The following EXD2 variants were observed in gnomAD, a reference collection of about 807,000 sequenced individuals.
EXD2 encodes exonuclease 3'-5' domain containing 2.
In EXD2, 40 loss-of-function variants were observed where a neutral mutation model predicts 62.5. The observed-to-expected ratio is 0.64, with a 90% CI of 0.50 to 0.83. The LOEUF is 0.83. Ranked by LOEUF, EXD2 falls within the 40% of genes least tolerant of loss-of-function variation. EXD2 has a pLI of 0.00. For synonymous variants in EXD2, 239 were observed against 291.9 expected, an observed-to-expected ratio of 0.82 and a Z score of 1.85; for missense variants, 671 against 761.8, an observed-to-expected ratio of 0.88 and a Z score of 1.40.
Position 69,236,495 on chromosome 14 carries a change from TA to T in EXD2, c.1248del (p.Glu417ArgfsTer5). 1.2e-6 allele frequency: 2 copies of T among 1,614,138 alleles called. No individual in the cohort carries two copies. The highest frequency in any genetic ancestry group is 1.7e-6 in the Non-Finnish European group (2 of 1,180,000). On this transcript the variant is annotated frameshift_variant, in exon 8 of 10. Transcript: ENST00000685843. LOFTEE classifies it high-confidence loss of function. Reference sequence around the variant, plus strand: ...CTCCTGGAGACTATTACTTGATGGTTAAAGAGAACCTGTGTGTAGTGTGTGG... The same window carrying T: ...CTCCTGGAGACTATTACTTGATGGTTAAGAGAACCTGTGTGTAGTGTGTGG... ...ESPGDYYLMV[K>X]ENLCVVCGKR...
intron 3 of EXD2, 188 bp downstream of exon 3, chr14:69,209,991 A>G (rs2042753833): frequency 4.2e-6 from 2 of 479,174 alleles, no homozygotes; most frequent in African/African-American, 2.0e-5. Flanking sequence ...GAGTGCTTAC[A>G]ATTATGGATT....
chr14:69,208,462 G>A (rs1327506319), intron 2 of EXD2, among the ~76,000 whole-genome samples: 7 of 151,950 alleles, frequency 4.6e-5, no homozygotes, highest in South Asian at 2.1e-4. Context: ...CACCTGCCTC[G>A]GCCTCCCAAA....
chr14:69,206,267 G>C (rs1226324951), intron 2 of EXD2, among the ~76,000 whole-genome samples: 1 of 151,806 alleles, frequency 6.6e-6, no homozygotes, highest in African/African-American at 2.4e-5. Context: ...CTTTGGCCTG[G>C]GGCAGGTGGC....
At chr14:69,236,914 T>C (rs2043814823) in intron 8 of EXD2, among the ~76,000 whole-genome samples, 1 of 152,222 alleles carries the variant, frequency 6.6e-6, no homozygotes, top group South Asian at 2.1e-4. Context: ...AGTATCCAGA[T>C]GTCCTGAAGC....
chr14:69,232,009 G>A (rs2043601612), intron 5 of EXD2, among the ~76,000 whole-genome samples: 1 of 149,132 alleles, frequency 6.7e-6, no homozygotes, highest in African/African-American at 2.5e-5. Flanking sequence ...TATTCAAGAA[G>A]TGTAAGTCCC....
At chr14:69,234,060 C>T (rs2043685137) in intron 5 of EXD2, among the ~76,000 whole-genome samples, 1 of 152,146 alleles carries the variant, frequency 6.6e-6, no homozygotes, top group South Asian at 2.1e-4. Context: ...AGCCACCATA[C>T]CTGGCCCACA....
chr14:69,223,552 A>G (rs925108959), intron 3 of EXD2, among the ~76,000 whole-genome samples: 5 of 152,248 alleles, frequency 3.3e-5, no homozygotes, highest in African/African-American at 1.2e-4. Context: ...ACAGCATGCT[A>G]TCACAAAGAG....
At chr14:69,198,171 TTC>T (rs2042271794) in intron 1 of EXD2, among the ~76,000 whole-genome samples, 1 of 152,230 alleles carries the variant, frequency 6.6e-6, no homozygotes, top group Non-Finnish European at 1.5e-5. Flanking sequence ...TGAATGAGAT[TTC>T]TTTTTTCACA....
chr14:69,233,967 A>G (rs979415321), intron 5 of EXD2, among the ~76,000 whole-genome samples: 1 of 151,924 alleles, frequency 6.6e-6, no homozygotes, highest in Non-Finnish European at 1.5e-5. Context: ...GGGTTTCACC[A>G]TGTTGGCCAG....
At chr14:69,199,546 T>C (rs1230797866) in intron 1 of EXD2, among the ~76,000 whole-genome samples, 1 of 152,226 alleles carries the variant, frequency 6.6e-6, no homozygotes. Flanking sequence ...CACAAATATG[T>C]TGTACAGCTG....
Position 69,230,476 on chromosome 14 carries a change from A to T in EXD2, c.595A>T (p.Asn199Tyr). The change falls in exon 5 of 10, where the codon AAT (asparagine) becomes TAT (tyrosine). Residue 199 changes from asparagine (N) to tyrosine (Y), a missense_variant. By Grantham distance (143) the Asn-to-Tyr change is moderately radical. Transcript: ENST00000685843. ...LRYLAMRQRN[N>Y]LLCNGLSLKS... ...GGTTTTCTTTGTTTCTTTTAGAAAC[A>T]ATTTGCTCTGTAATGGGCTTAGCCT... 1.9e-5 allele frequency: 31 copies of T among 1,591,676 alleles called. No homozygotes were observed. The highest frequency in any genetic ancestry group is 2.7e-5 in the Non-Finnish European group (31 of 1,169,568).
At chr14:69,193,917 G>A (rs887730491) in intron 1 of EXD2, among the ~76,000 whole-genome samples, 3 of 152,058 alleles carry the variant, frequency 2.0e-5, no homozygotes, top group African/African-American at 4.8e-5. Flanking sequence ...TACAGCGCAC[G>A]GGAAAGCTTC....
At chr14:69,208,336 A>C (rs780604063) in intron 2 of EXD2, among the ~76,000 whole-genome samples, 4 of 136,730 alleles carry the variant, frequency 2.9e-5, no homozygotes, top group African/African-American at 1.1e-4. Context: ...TCAGCCTCCC[A>C]AGTAGCTGCG....
At chr14:69,212,872 C>T (rs910342911) in intron 3 of EXD2, among the ~76,000 whole-genome samples, 5 of 151,252 alleles carry the variant, frequency 3.3e-5, no homozygotes, top group African/African-American at 1.2e-4. Context: ...CCACACCTGG[C>T]TAATTTTTTT....
chr14:69,221,111 C>T (rs1053117306), intron 3 of EXD2, among the ~76,000 whole-genome samples: 2 of 152,136 alleles, frequency 1.3e-5, no homozygotes, highest in Admixed American at 1.3e-4. Context: ...TCAAGCAGTC[C>T]TTCTGCCTCA....
At chr14:69,231,603 C>A (rs139938473) in intron 5 of EXD2, among the ~76,000 whole-genome samples, 1 of 152,144 alleles carries the variant, frequency 6.6e-6, no homozygotes, top group Non-Finnish European at 1.5e-5. Flanking sequence ...ACCCCAGACT[C>A]CTTATCAGAA....
At chr14:69,220,253 G>GTCTT (rs2043126311) in intron 3 of EXD2, among the ~76,000 whole-genome samples, 1 of 35,094 alleles carries the variant, frequency 2.8e-5, no homozygotes, top group Non-Finnish European at 4.9e-5. Flanking sequence ...TTGTCTCTCT[G>GTCTT]TTTTTTTTTT....
intron 7 of EXD2, 70 bp from the exon 8 acceptor site, chr14:69,236,337 T>C: frequency 1.2e-6 from 2 of 1,609,484 alleles, no homozygotes. Flanking sequence ...ACAGTGAAGG[T>C]AGTGCTGCTT....
intron 3 of EXD2, chr14:69,210,097 G>C (rs2042758155): frequency 4.3e-6 from 1 of 232,326 alleles, no homozygotes; most frequent in Non-Finnish European, 8.5e-6. Context: ...TTGTTTGTTT[G>C]GTTGTTTGTA....
Sources: allele counts gnomAD v4.1 joint callset (sites outside exome capture counted in the v4.1 genomes callset), GRCh38; gene constraint gnomAD v4.1.1; transcripts MANE v1.5; gene names NCBI Gene and HGNC (gene_info 2026-07-23, HGNC 2026-07-21).